Variants in BAIAP2L1 observed in about 807,000 individuals in gnomAD.
BAIAP2L1 encodes the protein BAR/IMD domain-containing adapter protein 2-like 1.
In BAIAP2L1, 35 loss-of-function variants were observed where a neutral mutation model predicts 66.3. That is an observed-to-expected ratio of 0.53 (90% CI 0.40 to 0.70). The LOEUF is 0.70. Among genes scored for constraint, BAIAP2L1 ranks in the 30% least tolerant of loss-of-function variants. BAIAP2L1 has a pLI of 0.00. For synonymous variants in BAIAP2L1, 269 were observed against 248.7 expected (o/e 1.08, Z -0.77); for missense variants, 622 against 656.9 (o/e 0.95, Z 0.58).
intron 1 of BAIAP2L1, among the ~76,000 whole-genome samples, chr7:98,367,903 C>T (rs540423784): frequency 3.3e-5 from 5 of 151,932 alleles, no homozygotes; most frequent in African/African-American, 9.6e-5. Flanking sequence ...GGATTACAGG[C>T]GTGAGCCACC....
chr7:98,321,165 G>A (rs1801232473), intron 3 of BAIAP2L1, among the ~76,000 whole-genome samples: 1 of 152,000 alleles, frequency 6.6e-6, no homozygotes, highest in African/African-American at 2.4e-5. Context: ...GGCCCACGTG[G>A]CCCTTTCTAT....
chr7:98,385,709 C>G, intron 1 of BAIAP2L1: 1 of 1,167,002 alleles, frequency 8.6e-7, no homozygotes, highest in Admixed American at 2.3e-5. Flanking sequence ...CCCCCACACC[C>G]AGCCAGGAAT....
intron 12 of BAIAP2L1, among the ~76,000 whole-genome samples, chr7:98,298,177 T>G (rs1434841275): frequency 6.6e-6 from 1 of 152,234 alleles, no homozygotes; most frequent in Non-Finnish European, 1.5e-5. Flanking sequence ...GATCGTCTAA[T>G]AAGACGCGCC....
intron 3 of BAIAP2L1, among the ~76,000 whole-genome samples, chr7:98,344,963 T>A (rs1801837639): frequency 6.6e-6 from 1 of 152,116 alleles, no homozygotes; most frequent in Non-Finnish European, 1.5e-5. Context: ...GTGAACTATA[T>A]TATTTTTCAG....
intron 3 of BAIAP2L1, among the ~76,000 whole-genome samples, chr7:98,341,508 C>A (rs1292884957): frequency 2.0e-5 from 3 of 151,996 alleles, no homozygotes; most frequent in Admixed American, 6.6e-5. Flanking sequence ...CACAGAAAGA[C>A]CCCCATCTCT....
chr7:98,328,679 CAAAAAAA>C lies in BAIAP2L1; in HGVS notation c.215-8388_215-8382del, dbSNP rs1158387861. Among the ~76,000 whole-genome samples, 16 of 56,686 alleles carry C rather than the reference CAAAAAAA, an allele frequency of 2.8e-4. No homozygotes were observed. In the South Asian group the frequency reaches 4.1e-3, roughly 15 times the overall value. 37.2% of individuals were successfully genotyped at this position (56,686 alleles called of 152,430 possible). A position where few individuals can be genotyped will look rare whatever the true frequency, so the allele number is the denominator to read the frequency against. ...CTGGCAACATAGCAAGATCCCATCT[CAAAAAAA>C]AAAAAAAAAAAAAATTCATGATACA... On this transcript the variant is annotated intron_variant, in intron 3 of 13. Coordinates refer to ENST00000005260, the MANE Select transcript of BAIAP2L1 (RefSeq NM_018842.5).
At chr7:98,370,703 A>G (rs1039770788) in intron 1 of BAIAP2L1, among the ~76,000 whole-genome samples, 12 of 151,906 alleles carry the variant, frequency 7.9e-5, no homozygotes, top group Non-Finnish European at 1.5e-4. Flanking sequence ...GGGTTTCACC[A>G]TGTTAGCCAG....
At chr7:98,301,475 G>GTTTTTTTT (rs1554409905) in intron 12 of BAIAP2L1, among the ~76,000 whole-genome samples, 1 of 142,298 alleles carries the variant, frequency 7.0e-6, no homozygotes. Context: ...TTTTTTTTTG[G>GTTTTTTTT]TATATATATA....
Position 98,293,286 on chromosome 7 carries a change from A to C in BAIAP2L1, c.*235T>G. On this transcript the variant is annotated 3_prime_UTR_variant, in exon 14 of 14. Coordinates refer to ENST00000005260, the MANE Select transcript of BAIAP2L1 (RefSeq NM_018842.5). Reference sequence around the variant, plus strand: ...TTACTGTTTCTTGAACAGAATAGGAAGAAAATATTTTAAATGGCTGAGCTG... The same window carrying C: ...TTACTGTTTCTTGAACAGAATAGGACGAAAATATTTTAAATGGCTGAGCTG... The C allele has an allele frequency of 2.2e-6, 1 of 446,766 alleles. No homozygotes were observed. The allele number at this position is 446,766 out of a possible 1,614,324, so 27.7% of individuals were successfully genotyped here. A position where few individuals can be genotyped will look rare whatever the true frequency, so the allele number is the denominator to read the frequency against.
chr7:98,357,503 G>A (rs956050664), intron 2 of BAIAP2L1, among the ~76,000 whole-genome samples: 7 of 145,970 alleles, frequency 4.8e-5, no homozygotes, highest in Non-Finnish European at 5.9e-5. Flanking sequence ...GGAGGCAGAG[G>A]TTACAGTGAG....
intron 2 of BAIAP2L1, among the ~76,000 whole-genome samples, chr7:98,357,595 TTA>T (rs1332489103): frequency 6.7e-6 from 1 of 149,746 alleles, no homozygotes; most frequent in Non-Finnish European, 1.5e-5. Flanking sequence ...ACATATATAT[TTA>T]TATATATATA....
rs1490041144 is a variant in BAIAP2L1 at position 98,310,480 on chromosome 7, G to T, written c.920C>A (p.Ala307Asp). Residue 307 changes from alanine to aspartate, a missense_variant, in exon 9 of 14, where the codon GCT (alanine) becomes GAT (aspartate). Ala to Asp is a moderately radical substitution (Grantham distance 126). Coordinates refer to ENST00000005260, the MANE Select transcript of BAIAP2L1 (RefSeq NM_018842.5). Reference protein sequence around the residue: ...LIDMFNNPATAAPNSQRVNNS... With the variant: ...LIDMFNNPATDAPNSQRVNNS... The stretch of plus-strand genomic sequence containing the variant: ...ATTTACCCTTTGTGAATTCGGGGCA[G>T]CCGTGGCTGGGTTATTAAACATATC... The T allele has an allele frequency of 6.2e-7, 1 of 1,604,200 alleles. No homozygotes were observed. Among genetic ancestry groups the T allele is most frequent in the Non-Finnish European group, 8.5e-7 (1 of 1,176,922 alleles).
chr7:98,354,903 C>T (rs931901189), intron 3 of BAIAP2L1, 139 bp downstream of exon 3: 1 of 670,192 alleles, frequency 1.5e-6, no homozygotes, highest in South Asian at 1.8e-5. Flanking sequence ...GCATCAATTT[C>T]CACAGACCGC....
chr7:98,376,234 G>T (rs1802624911), intron 1 of BAIAP2L1, among the ~76,000 whole-genome samples: 1 of 151,832 alleles, frequency 6.6e-6, no homozygotes, highest in African/African-American at 2.4e-5. Flanking sequence ...CTAGGCACGG[G>T]AGCTCATACC....
intron 12 of BAIAP2L1, among the ~76,000 whole-genome samples, chr7:98,298,945 G>T (rs1800302449): frequency 6.6e-6 from 1 of 151,998 alleles, no homozygotes; most frequent in Non-Finnish European, 1.5e-5. Context: ...GGGCTCAATC[G>T]ATCCTCTCAC....
At chr7:98,370,748 G>A (rs541669966) in intron 1 of BAIAP2L1, among the ~76,000 whole-genome samples, 157 of 151,728 alleles carry the variant, frequency 1.0e-3, no homozygotes, top group African/African-American at 3.5e-3. Context: ...TGATCCGTCC[G>A]CCTCGGCCTC....
intron 12 of BAIAP2L1, among the ~76,000 whole-genome samples, chr7:98,300,633 C>CCCCGCTAT (rs1384858206): frequency 1.3e-5 from 2 of 152,112 alleles, no homozygotes; most frequent in African/African-American, 2.4e-5. Context: ...TTTCACGAGG[C>CCCCGCTAT]CCCGCTATCC....
intron 10 of BAIAP2L1, 110 bp from the exon 11 acceptor site, chr7:98,306,626 C>T (rs553626222): frequency 1.2e-4 from 178 of 1,495,804 alleles, no homozygotes; most frequent in African/African-American, 1.9e-4. Context: ...GCTCCAGAAA[C>T]GCCCATGTGT....
At chr7:98,344,664 T>G (rs1287058452) in intron 3 of BAIAP2L1, among the ~76,000 whole-genome samples, 1 of 151,978 alleles carries the variant, frequency 6.6e-6, no homozygotes, top group Non-Finnish European at 1.5e-5. Flanking sequence ...GGCTGGGCGT[T>G]GTGGCTCACG....
Sources: allele counts gnomAD v4.1 joint callset (sites outside exome capture counted in the v4.1 genomes callset), GRCh38; gene constraint gnomAD v4.1.1; transcripts MANE v1.5; gene names NCBI Gene and HGNC (gene_info 2026-07-23, HGNC 2026-07-21).